CNTNAP2: variants seen among roughly 807,000 people sequenced by gnomAD.
CNTNAP2 encodes contactin associated protein 2, also known as contactin-associated protein-like 2.
Under a neutral mutation model 155.2 loss-of-function variants are expected in CNTNAP2, and 98 were observed. The ratio of observed to expected loss-of-function variants is 0.63; its 90% CI spans 0.54 to 0.75. CNTNAP2 has a LOEUF of 0.75. Among genes scored for constraint, CNTNAP2 ranks in the 30% least tolerant of loss-of-function variants. The pLI, the probability that CNTNAP2 is intolerant of heterozygous loss-of-function variation, is 0.00. For missense variants in CNTNAP2, 1,727 were observed against 1,688.1 expected (o/e 1.02, Z -0.40); for synonymous variants, 651 against 631.2 (o/e 1.03, Z -0.47).
intron 13 of CNTNAP2, among the ~76,000 whole-genome samples, chr7:147,742,899 C>T (rs145845273): frequency 4.6e-5 from 7 of 152,260 alleles, no homozygotes; most frequent in South Asian, 2.1e-4. Context: ...AAATCATCCT[C>T]GATGTGGTCC....
chr7:147,561,875 A>G (rs1376005564), intron 11 of CNTNAP2, among the ~76,000 whole-genome samples: 1 of 152,238 alleles, frequency 6.6e-6, no homozygotes, highest in African/African-American at 2.4e-5. Flanking sequence ...TAAAATAAAA[A>G]TTACATTTAT....
At chr7:147,517,046 T>G (rs1318166681) in intron 11 of CNTNAP2, among the ~76,000 whole-genome samples, 1 of 151,664 alleles carries the variant, frequency 6.6e-6, no homozygotes, top group East Asian at 1.9e-4. Flanking sequence ...TTTTTTGTAT[T>G]TTTAGTAGAG....
At position 147,108,224 on chromosome 7, in the gene CNTNAP2, G is replaced by C; in HGVS notation, c.628G>C (p.Asp210His). ...AAACAAGAAGATGAAAACACTGAAAGATGTCATTGCCTTGAACTTTAAGAC... is the reference window on the plus strand; with the variant it reads ...AAACAAGAAGATGAAAACACTGAAACATGTCATTGCCTTGAACTTTAAGAC... ...FRNKKMKTLKDVIALNFKTSE... is the reference protein window; with the variant it reads ...FRNKKMKTLKHVIALNFKTSE... Residue 210 changes from aspartate (D) to histidine (H), a missense_variant, in exon 5 of 24, where the codon GAT becomes CAT. Physicochemically the swap from Asp to His is moderately conservative, Grantham distance 81 (BLOSUM62 -1). Transcript: ENST00000361727. 2 of 1,613,690 alleles carry C rather than the reference G, an allele frequency of 1.2e-6. No homozygotes were observed. Among genetic ancestry groups the C allele is most frequent in the Non-Finnish European group, 1.7e-6 (2 of 1,179,792 alleles).
chr7:147,427,086 C>G (rs1797389758), intron 10 of CNTNAP2, among the ~76,000 whole-genome samples: 1 of 152,096 alleles, frequency 6.6e-6, no homozygotes, highest in Admixed American at 6.6e-5. Context: ...GCTCTTCTTC[C>G]AAGATGGTGC....
chr7:147,971,483 G>A (rs748342500), intron 14 of CNTNAP2, among the ~76,000 whole-genome samples: 2 of 147,086 alleles, frequency 1.4e-5, no homozygotes, highest in South Asian at 2.1e-4. Flanking sequence ...CTCCCAGCCC[G>A]ACAACCACTA....
At chr7:147,110,892 G>A (rs541142312) in intron 5 of CNTNAP2, among the ~76,000 whole-genome samples, 2 of 152,124 alleles carry the variant, frequency 1.3e-5, no homozygotes. Context: ...TTTATATCCA[G>A]TAATGGGATT....
intron 13 of CNTNAP2, among the ~76,000 whole-genome samples, chr7:147,840,204 T>C (rs1798706180): frequency 6.6e-6 from 1 of 152,096 alleles, no homozygotes; most frequent in South Asian, 2.1e-4. Context: ...AATTATCTAA[T>C]GGGTACAATG....
intron 1 of CNTNAP2, among the ~76,000 whole-genome samples, chr7:146,575,963 G>A (rs1190224886): frequency 2.6e-5 from 4 of 152,204 alleles, no homozygotes; most frequent in Non-Finnish European, 5.9e-5. Context: ...CCTTAATGGT[G>A]ATTCAAGGCT....
chr7:147,398,589 CT>C (rs58507416), intron 10 of CNTNAP2, among the ~76,000 whole-genome samples: 15,720 of 87,498 alleles, frequency 0.18, 1,003 homozygotes, highest in East Asian at 0.36. Context: ...ACGATTTGAA[CT>C]TTTTTTTTTT....
intron 11 of CNTNAP2, among the ~76,000 whole-genome samples, chr7:147,507,273 G>A (rs946873267): frequency 3.3e-5 from 5 of 152,088 alleles, no homozygotes; most frequent in Non-Finnish European, 5.9e-5. Context: ...GAATGCAGGG[G>A]TATGAAAATA....
chr7:148,382,700 G>C (rs978108978), intron 21 of CNTNAP2, among the ~76,000 whole-genome samples: 1 of 152,186 alleles, frequency 6.6e-6, no homozygotes, highest in Admixed American at 6.5e-5. Context: ...GGACATGAGG[G>C]GTTGATGCGG....
At chr7:147,592,184 T>G (rs892659234) in intron 12 of CNTNAP2, among the ~76,000 whole-genome samples, 2 of 152,154 alleles carry the variant, frequency 1.3e-5, no homozygotes, top group Non-Finnish European at 2.9e-5. Flanking sequence ...CTTAGGCACT[T>G]AGTAAATATT....
chr7:146,625,103 T>C lies in CNTNAP2; in HGVS notation c.98-149168T>C, dbSNP rs548146177. Among the ~76,000 whole-genome samples, 6 of 152,154 alleles carry C rather than the reference T, an allele frequency of 3.9e-5. No homozygotes were observed. The South Asian group carries it at 8.3e-4, about 21-fold the overall frequency. On this transcript the variant is annotated intron_variant, in intron 1 of 23. Coordinates refer to ENST00000361727, the MANE Select transcript of CNTNAP2 (RefSeq NM_014141.6). ...AAATTTACTGGAACACATTTTGATATATATTAATTATAAGGCTGCTTTAAT... is the reference window on the plus strand; with the variant it reads ...AAATTTACTGGAACACATTTTGATACATATTAATTATAAGGCTGCTTTAAT...
intron 20 of CNTNAP2, among the ~76,000 whole-genome samples, chr7:148,257,195 A>ATCTCCCCAGGGCCATTTAATC (rs1796470086): frequency 6.6e-6 from 1 of 151,928 alleles, no homozygotes; most frequent in African/African-American, 2.4e-5. Flanking sequence ...TACCCCTCTG[A>ATCTCCCCAGGGCCATTTAATC]TCTCCCCAGG....
At chr7:147,089,872 G>C (rs532387525) in intron 4 of CNTNAP2, among the ~76,000 whole-genome samples, 32 of 152,292 alleles carry the variant, frequency 2.1e-4, no homozygotes, top group Admixed American at 1.6e-3. Context: ...TGCACCAAAG[G>C]TGTCTCAGGG....
Position 147,859,531 on chromosome 7 carries a change from G to GA in CNTNAP2, c.2099-44030dup, listed in dbSNP as rs936118692. 2.5e-4 allele frequency among the ~76,000 whole-genome samples: 29 copies of GA among 117,736 alleles called. No homozygotes were observed. In the East Asian group the frequency reaches 4.3e-3, roughly 18 times the overall value. The allele number at this position is 117,736 out of a possible 152,430, so 77.2% of individuals were successfully genotyped here. A position where few individuals can be genotyped will look rare whatever the true frequency, so the allele number is the denominator to read the frequency against. On this transcript the variant is annotated intron_variant, in intron 13 of 23. Coordinates refer to ENST00000361727, the MANE Select transcript of CNTNAP2 (RefSeq NM_014141.6). ...ATTTATTTTTTCCAAGGAGCTATTT[G>GA]AAAACCAGAGAGTTAACATATTTTA...
chr7:148,071,705 G>C (rs1298078830), intron 15 of CNTNAP2, among the ~76,000 whole-genome samples: 6 of 152,312 alleles, frequency 3.9e-5, no homozygotes, highest in Admixed American at 3.9e-4. Flanking sequence ...CTGAAGGTAT[G>C]AATTGAGGAT....
intron 13 of CNTNAP2, among the ~76,000 whole-genome samples, chr7:147,793,066 T>C (rs2116576039): frequency 6.6e-6 from 1 of 152,314 alleles, no homozygotes; most frequent in Middle Eastern, 3.4e-3. Context: ...ATTAATGAGT[T>C]GTAAGAGTTA....
intron 4 of CNTNAP2, among the ~76,000 whole-genome samples, chr7:147,094,855 G>A (rs1038365021): frequency 2.0e-5 from 3 of 152,006 alleles, no homozygotes; most frequent in Admixed American, 2.0e-4. Context: ...AAACTAGATA[G>A]CTTATAAATA....
Sources: allele counts gnomAD v4.1 joint callset (sites outside exome capture counted in the v4.1 genomes callset), GRCh38; gene constraint gnomAD v4.1.1; transcripts MANE v1.5; gene names NCBI Gene and HGNC (gene_info 2026-07-23, HGNC 2026-07-21).